HDAC9: variants seen among roughly 807,000 people sequenced by gnomAD.
The protein encoded by HDAC9 is histone deacetylase 9.
Under a neutral mutation model 139.4 loss-of-function variants are expected in HDAC9, and 41 were observed. The ratio of observed to expected loss-of-function variants is 0.29; its 90% CI spans 0.23 to 0.38. HDAC9 has a LOEUF of 0.38. HDAC9 is among the 10% of genes least tolerant of loss of function. The pLI is 1.00. For missense variants in HDAC9, 1,147 were observed against 1,297.0 expected (o/e 0.88, Z 1.78); for synonymous variants, 517 against 476.2 (o/e 1.09, Z -1.12).
At chr7:18,376,826 G>A (rs1785027109) in intron 1 of HDAC9, among the ~76,000 whole-genome samples, 1 of 151,980 alleles carries the variant, frequency 6.6e-6, no homozygotes, top group Admixed American at 6.6e-5. Flanking sequence ...CATCAGCTTA[G>A]GCTGCTGTAA....
chr7:18,312,679 G>A (rs1799394536), intron 1 of HDAC9, among the ~76,000 whole-genome samples: 1 of 152,104 alleles, frequency 6.6e-6, no homozygotes, highest in African/African-American at 2.4e-5. Context: ...AGCAGGGACT[G>A]ATAAAGATCA....
chr7:18,894,238 T>TGGG (rs1426567368), intron 22 of HDAC9, among the ~76,000 whole-genome samples: 1 of 152,112 alleles, frequency 6.6e-6, no homozygotes, highest in Non-Finnish European at 1.5e-5. Context: ...TAGACGCTAT[T>TGGG]TAAAGCCGTA....
chr7:18,161,146 G>A (rs1787601950), intron 1 of HDAC9, among the ~76,000 whole-genome samples: 1 of 152,078 alleles, frequency 6.6e-6, no homozygotes, highest in Admixed American at 6.6e-5. Context: ...GAGCACCAAG[G>A]ATGTGATGAG....
intron 12 of HDAC9, among the ~76,000 whole-genome samples, chr7:18,685,272 A>G (rs935094793): frequency 1.3e-5 from 2 of 152,026 alleles, no homozygotes; most frequent in Admixed American, 6.6e-5. Flanking sequence ...TGTTCTAACT[A>G]TATCACTCCC....
chr7:18,351,461 C>CA (rs1171884821), intron 1 of HDAC9, among the ~76,000 whole-genome samples: 2 of 151,614 alleles, frequency 1.3e-5, no homozygotes, highest in African/African-American at 2.4e-5. Flanking sequence ...TCCCCCAAAA[C>CA]AAAAAAAGAC....
rs527333174 is a variant in HDAC9, at chr7:18,830,056, C to A, written c.2466+508C>A. On this transcript the variant is annotated intron_variant, in intron 19 of 25. Transcript: ENST00000686413. ...GTTTGGGATGATTCTCTGCAGGAAC[C>A]CTGAGTGACTGAAAGTTAGAGGCAC... Among the ~76,000 whole-genome samples, 15 of 152,204 alleles carry A rather than the reference C, an allele frequency of 9.9e-5. No homozygotes were observed. The East Asian group carries it at 2.1e-3, about 22-fold the overall frequency.
At chr7:18,987,820 A>T (rs568144093) in intron 25 of HDAC9, among the ~76,000 whole-genome samples, 68 of 152,182 alleles carry the variant, frequency 4.5e-4, no homozygotes, top group Non-Finnish European at 9.0e-4. Context: ...CCAGGAATTT[A>T]TCCATTTCTT....
At chr7:18,738,601 G>A (rs1055196735) in intron 13 of HDAC9, among the ~76,000 whole-genome samples, 5 of 152,180 alleles carry the variant, frequency 3.3e-5, no homozygotes, top group African/African-American at 9.7e-5. Context: ...ACTCTCTTCT[G>A]GCTTGTAGGG....
chr7:18,824,749 C>T (rs544552223), intron 17 of HDAC9, among the ~76,000 whole-genome samples: 180 of 152,328 alleles, frequency 1.2e-3, no homozygotes, highest in Admixed American at 3.9e-3. Context: ...CTCTGCCACC[C>T]TCATGTGCCT....
chr7:18,841,846 T>C (rs1243497732), intron 21 of HDAC9, among the ~76,000 whole-genome samples: 1 of 152,156 alleles, frequency 6.6e-6, no homozygotes, highest in Non-Finnish European at 1.5e-5. Context: ...AGAGAGCCTA[T>C]CAAATTAAAC....
At chr7:18,846,424 T>A (rs911645598) in intron 21 of HDAC9, among the ~76,000 whole-genome samples, 28 of 152,186 alleles carry the variant, frequency 1.8e-4, no homozygotes, top group Non-Finnish European at 3.8e-4. Context: ...CTCATTAAAT[T>A]CCGACTCTAG....
intron 17 of HDAC9, among the ~76,000 whole-genome samples, chr7:18,821,281 G>T (rs149045488): frequency 6.6e-6 from 1 of 152,256 alleles, no homozygotes; most frequent in African/African-American, 2.4e-5. Flanking sequence ...AATTTTGGAG[G>T]GAACACATTT....
At chr7:18,700,293 C>T (rs1156360014) in intron 12 of HDAC9, among the ~76,000 whole-genome samples, 1 of 152,162 alleles carries the variant, frequency 6.6e-6, no homozygotes, top group African/African-American at 2.4e-5. Context: ...AATGCAGTTG[C>T]ATCTTATGAA....
intron 8 of HDAC9, among the ~76,000 whole-genome samples, chr7:18,637,172 G>A (rs1784144644): frequency 6.6e-6 from 1 of 151,938 alleles, no homozygotes. Flanking sequence ...TTTTTAAGAG[G>A]CGAGAGAGTG....
At chr7:18,132,751 A>G (rs4490725) in intron 1 of HDAC9, among the ~76,000 whole-genome samples, 8,420 of 152,216 alleles carry the variant, frequency 0.055, 330 homozygotes, top group East Asian at 0.15. Flanking sequence ...GTGAGGCCTT[A>G]GTTTTATTGT....
chr7:18,707,969 A>T (rs1784066329), intron 12 of HDAC9, among the ~76,000 whole-genome samples: 1 of 152,058 alleles, frequency 6.6e-6, no homozygotes, highest in African/African-American at 2.4e-5. Context: ...ACATGCTGAG[A>T]GGCTGAAGAT....
At chr7:18,893,874 A>G (rs751505220) in intron 22 of HDAC9, among the ~76,000 whole-genome samples, 64 of 152,172 alleles carry the variant, frequency 4.2e-4, no homozygotes, top group Non-Finnish European at 6.3e-4. Context: ...CTGTGAAACT[A>G]TCATAGGGAG....
At chr7:18,357,379 C>T (rs551217097) in intron 1 of HDAC9, among the ~76,000 whole-genome samples, 13 of 152,084 alleles carry the variant, frequency 8.5e-5, no homozygotes, top group Non-Finnish European at 1.5e-4. Flanking sequence ...TTCCTTCTGT[C>T]GTCTCTGTTC....
chr7:18,825,856 A>ATTTAT (rs1491387963), intron 17 of HDAC9, among the ~76,000 whole-genome samples: 3 of 148,212 alleles, frequency 2.0e-5, no homozygotes, highest in African/African-American at 4.9e-5. Flanking sequence ...ATATACACAC[A>ATTTAT]TATCGTATAT....
Sources: allele counts gnomAD v4.1 joint callset (sites outside exome capture counted in the v4.1 genomes callset), GRCh38; gene constraint gnomAD v4.1.1; transcripts MANE v1.5; gene names NCBI Gene and HGNC (gene_info 2026-07-23, HGNC 2026-07-21).